Variants in HMG20A observed in about 807,000 individuals in gnomAD.
HMG20A encodes the protein high mobility group 20A.
Under a neutral mutation model 43.9 loss-of-function variants are expected in HMG20A, and 17 were observed. The ratio of observed to expected loss-of-function variants is 0.39; its 90% confidence interval spans 0.27 to 0.58. The LOEUF is 0.58. HMG20A is among the 20% of genes least tolerant of loss of function. HMG20A has a pLI of 0.59. For synonymous variants in HMG20A, 132 were observed against 147.5 expected (o/e 0.89, Z 0.76); for missense variants, 341 against 438.2 (o/e 0.78, Z 1.98).
At chr15:77,462,239 A>C (rs1347355710) in intron 2 of HMG20A, among the ~76,000 whole-genome samples, 4 of 152,158 alleles carry the variant, frequency 2.6e-5, no homozygotes, top group Non-Finnish European at 5.9e-5. Context: ...TAACATCTGC[A>C]ACTTTTTACT....
chr15:77,462,474 A>G (rs2072713186), intron 2 of HMG20A, among the ~76,000 whole-genome samples: 1 of 151,932 alleles, frequency 6.6e-6, no homozygotes, highest in Non-Finnish European at 1.5e-5. Flanking sequence ...ATGCTTCTCG[A>G]GTCTATCTTT....
At chr15:77,449,500 CCT>C (rs1428311461) in intron 1 of HMG20A, among the ~76,000 whole-genome samples, 2 of 152,138 alleles carry the variant, frequency 1.3e-5, no homozygotes, top group African/African-American at 4.8e-5. Flanking sequence ...CTCTAGTAAG[CCT>C]CTTTTCCTTC....
At chr15:77,461,504 G>T (rs1448849778) in intron 2 of HMG20A, among the ~76,000 whole-genome samples, 1 of 152,196 alleles carries the variant, frequency 6.6e-6, no homozygotes, top group East Asian at 1.9e-4. Flanking sequence ...GTAGGCAAGA[G>T]GGTGTGAGAT....
the HMG20A span, among the ~76,000 whole-genome samples, chr15:77,512,365 A>G: frequency 6.6e-6 from 1 of 152,174 alleles, no homozygotes; most frequent in African/African-American, 2.4e-5. Flanking sequence ...CCTTAATGCC[A>G]TTGAATGGTA....
the HMG20A span, among the ~76,000 whole-genome samples, chr15:77,517,051 C>T: frequency 6.6e-6 from 1 of 152,184 alleles, no homozygotes; most frequent in African/African-American, 2.4e-5. Context: ...CCTGGAGTTC[C>T]CTTCCCCTCC....
chr15:77,461,006 A>AG (rs1169594328), intron 2 of HMG20A, among the ~76,000 whole-genome samples: 1 of 152,178 alleles, frequency 6.6e-6, no homozygotes. Context: ...AAGAAAAAAA[A>AG]GTCAGAAAGA....
At chr15:77,421,858 T>G (rs2073356652) in intron 1 of HMG20A, among the ~76,000 whole-genome samples, 1 of 152,244 alleles carries the variant, frequency 6.6e-6, no homozygotes, top group East Asian at 1.9e-4. Context: ...AAGTTGTATT[T>G]TATTACATTT....
At chr15:77,470,207 G>A (rs2072794536) in intron 4 of HMG20A, among the ~76,000 whole-genome samples, 1 of 152,152 alleles carries the variant, frequency 6.6e-6, no homozygotes, top group South Asian at 2.1e-4. Flanking sequence ...TTTAGAAGCA[G>A]TATTTTTATA....
chr15:77,476,486 G>GAAA (rs148901766), intron 6 of HMG20A, among the ~76,000 whole-genome samples: 14 of 81,422 alleles, frequency 1.7e-4, no homozygotes, highest in East Asian at 5.6e-4. Context: ...CTCCCTCTCA[G>GAAA]AAAAAAAAAA....
chr15:77,503,982 C>T, the HMG20A span, among the ~76,000 whole-genome samples: 2 of 152,190 alleles, frequency 1.3e-5, no homozygotes, highest in African/African-American at 4.8e-5. Context: ...ACTCAAAGTC[C>T]AGTGTCCTCT....
At chr15:77,426,447 T>C (rs569504243) in intron 1 of HMG20A, among the ~76,000 whole-genome samples, 66 of 152,182 alleles carry the variant, frequency 4.3e-4, no homozygotes, top group African/African-American at 1.5e-3. Context: ...ACTAAGAAAA[T>C]GATAAGGAAG....
chr15:77,477,705 T>C, intron 7 of HMG20A, 75 bp downstream of exon 7: 6 of 965,266 alleles, frequency 6.2e-6, no homozygotes, highest in Non-Finnish European at 9.9e-6. Flanking sequence ...AATTCATTGC[T>C]CAAAAGCAAT....
the HMG20A span, among the ~76,000 whole-genome samples, chr15:77,497,669 G>C: frequency 8.0e-6 from 1 of 125,002 alleles, no homozygotes; most frequent in Non-Finnish European, 1.8e-5. Context: ...GAGAGAGAGA[G>C]AGAGAGAGAG....
chr15:77,515,217 A>G, the HMG20A span, among the ~76,000 whole-genome samples: 3 of 152,158 alleles, frequency 2.0e-5, no homozygotes, highest in Admixed American at 6.5e-5. Flanking sequence ...GCCAGTGGGT[A>G]CAATAGACAG....
chr15:77,441,162 A>G (rs908481680), intron 1 of HMG20A, among the ~76,000 whole-genome samples: 1 of 152,130 alleles, frequency 6.6e-6, no homozygotes, highest in Non-Finnish European at 1.5e-5. Context: ...GGATAAGAAA[A>G]CCTTGGTTTG....
chr15:77,489,497 A>G (rs1448240631), downstream of HMG20A, among the ~76,000 whole-genome samples: 3 of 152,242 alleles, frequency 2.0e-5, no homozygotes, highest in Admixed American at 6.5e-5. Context: ...AATTAGACCT[A>G]TTCAACAATA....
chr15:77,516,141 A>C, the HMG20A span, among the ~76,000 whole-genome samples: 1 of 152,200 alleles, frequency 6.6e-6, no homozygotes, highest in Non-Finnish European at 1.5e-5. Context: ...AGAGAAATTG[A>C]TGGTGCTCTG....
At chr15:77,423,031 C>G (rs933018349) in intron 1 of HMG20A, among the ~76,000 whole-genome samples, 1 of 152,044 alleles carries the variant, frequency 6.6e-6, no homozygotes, top group African/African-American at 2.4e-5. Context: ...TAGAGAATAT[C>G]ATGTTAAAAT....
At chr15:77,446,951 T>G (rs2073681393) in intron 1 of HMG20A, among the ~76,000 whole-genome samples, 1 of 152,222 alleles carries the variant, frequency 6.6e-6, no homozygotes, top group South Asian at 2.1e-4. Context: ...GAAAACACCT[T>G]TTCATATATC....
Sources: gnomAD v4.1 joint callset for allele counts (sites outside exome capture counted in the v4.1 genomes callset) on GRCh38, gnomAD v4.1.1 for gene constraint, MANE v1.5 for transcripts, NCBI Gene and HGNC (gene_info 2026-07-23, HGNC 2026-07-21) for gene names.